The following LRRC52 variants were observed in gnomAD, a reference collection of about 807,000 sequenced individuals.
LRRC52 encodes the protein leucine rich repeat containing 52.
Under a neutral mutation model 14.7 loss-of-function variants are expected in LRRC52, and 15 were observed. That is an observed-to-expected ratio of 1.02 (90% CI 0.68 to 1.58). The LOEUF is 1.58. Ranked by LOEUF, LRRC52 falls within the 40% of genes most tolerant of loss-of-function variation. The probability of loss-of-function intolerance (pLI) is 0.00; values close to 1 mark genes in which losing one functional copy is unlikely to be tolerated. For synonymous variants in LRRC52, 180 were observed against 163.9 expected (o/e 1.10, Z -0.75); for missense variants, 400 against 387.7 (o/e 1.03, Z -0.27).
At chr1:165,544,964 C>T (rs1488324138) in intron 1 of LRRC52, 46 bp downstream of exon 1, 9 of 1,593,806 alleles carry the variant, frequency 5.6e-6, no homozygotes, top group Non-Finnish European at 2.6e-6. Context: ...ATTGAAGTGG[C>T]TCCAGAAAAG....
chr1:165,549,861 C>T (rs1661096285), intron 1 of LRRC52, among the ~76,000 whole-genome samples: 1 of 152,174 alleles, frequency 6.6e-6, no homozygotes, highest in South Asian at 2.1e-4. Context: ...AGATCTGGCA[C>T]CATAATCAAA....
intron 1 of LRRC52, among the ~76,000 whole-genome samples, chr1:165,553,292 G>A (rs1267393765): frequency 6.6e-6 from 1 of 152,204 alleles, no homozygotes; most frequent in African/African-American, 2.4e-5. Flanking sequence ...GGAAGCCAAA[G>A]AGTTCCAAAA....
chr1:165,544,043 G>A lies in LRRC52; in HGVS notation c.-254G>A. ...CAGGGAAAGGGTGAGACCTTTCAAA[G>A]CTGCCAAGTGGGCAAGCTTCCAGCA... On this transcript the variant is annotated 5_prime_UTR_variant, in exon 1 of 2. Coordinates refer to ENST00000294818, the MANE Select transcript of LRRC52 (RefSeq NM_001005214.4). 1 of 541,996 alleles carries A rather than the reference G, an allele frequency of 1.8e-6. No homozygotes were observed. The highest frequency in any genetic ancestry group is 2.5e-5 in the South Asian group (1 of 39,922). 33.6% of individuals were successfully genotyped at this position (541,996 alleles called of 1,614,324 possible).
chr1:165,544,476 G>A lies in LRRC52; in HGVS notation c.180G>A (p.Leu60=). 2 of 1,614,136 alleles carry A rather than the reference G, an allele frequency of 1.2e-6. No homozygotes were observed. ...CCCTGAACACCCGGAGGCTGTTCCTGAACGAGAACAGAATCACTAGTTTGC... is the reference window on the plus strand; with the variant it reads ...CCCTGAACACCCGGAGGCTGTTCCTAAACGAGAACAGAATCACTAGTTTGC... ...DIPLNTRRLF[L]NENRITSLPA... The change falls in exon 1 of 2, where the codon CTG becomes CTA. Residue 60 remains leucine, a synonymous_variant. Transcript: ENST00000294818.
At position 165,544,720 on chromosome 1, in the gene LRRC52, C is replaced by T. The variant is rs1240669152; in HGVS notation, c.424C>T (p.His142Tyr). ...CAACAACCCTCACCTGTTATCGCTT[C>T]ACAAGTTCACCTTTGCCAACACCAC... Reference protein sequence around the residue: ...IANNPHLLSLHKFTFANTTSL... With the variant: ...IANNPHLLSLYKFTFANTTSL... The change falls in exon 1 of 2, where the codon CAC (histidine) becomes TAC (tyrosine). Residue 142 changes from histidine (H) to tyrosine (Y), a missense_variant. Transcript: ENST00000294818. The T allele has an allele frequency of 6.2e-7, 1 of 1,614,104 alleles. No individual in the cohort carries two copies. The highest frequency in any genetic ancestry group is 8.5e-7 in the Non-Finnish European group (1 of 1,180,030).
intron 1 of LRRC52, among the ~76,000 whole-genome samples, chr1:165,547,306 TAA>T (rs1331404957): frequency 2.6e-5 from 4 of 152,236 alleles, no homozygotes; most frequent in East Asian, 1.9e-4. Flanking sequence ...GTTATAAATA[TAA>T]GTTATATTAT....
rs527983191 is a variant in LRRC52, at chr1:165,553,318, G to C, written c.622+8400G>C. On this transcript the variant is annotated intron_variant, in intron 1 of 1. Transcript: ENST00000294818. ...AGTTCCAAAAAGTGGGAGCAGGTCA[G>C]ATAAGGACAGAAAACTGTCCATCAG... Among the ~76,000 whole-genome samples the C allele has an allele frequency of 2.0e-5, 3 of 152,302 alleles. No individual in the cohort carries two copies. In the South Asian group the frequency reaches 6.2e-4, roughly 32 times the overall value.
intron 1 of LRRC52, among the ~76,000 whole-genome samples, chr1:165,547,176 C>G (rs1324012685): frequency 3.3e-5 from 5 of 152,086 alleles, no homozygotes; most frequent in African/African-American, 7.2e-5. Context: ...AATCACACAG[C>G]TGATAAATGG....
In LRRC52 at chr1:165,544,208, T is replaced by TCCCCCCCCCCCCCC; in HGVS notation, c.-84_-83insCCCCCCCCCCCCCC. ...GTGTTACAGTTCTTTCCAGAGCCCCTCCCCCGCCCCACCCCCCCACCGGCA... is the reference window on the plus strand; with the variant it reads ...GTGTTACAGTTCTTTCCAGAGCCCCTCCCCCCCCCCCCCCCCCCCGCCCCACCCCCCCACCGGCA... On this transcript the variant is annotated 5_prime_UTR_variant, in exon 1 of 2. Coordinates refer to ENST00000294818, the MANE Select transcript of LRRC52 (RefSeq NM_001005214.4). 4.5e-6 allele frequency: 2 copies of TCCCCCCCCCCCCCC among 448,098 alleles called. No homozygotes were observed. Among genetic ancestry groups the TCCCCCCCCCCCCCC allele is most frequent in the Non-Finnish European group, 4.2e-6 (1 of 235,720 alleles). The allele number at this position is 448,098 out of a possible 1,614,324, so 27.8% of individuals were successfully genotyped here.
Position 165,544,228 on chromosome 1 carries a change from C to T in LRRC52, c.-69C>T. Reference sequence around the variant, plus strand: ...GCCCCTCCCCCGCCCCACCCCCCCACCGGCAGCCTTCGGATCAGAGGACAG... The same window carrying T: ...GCCCCTCCCCCGCCCCACCCCCCCATCGGCAGCCTTCGGATCAGAGGACAG... On this transcript the variant is annotated 5_prime_UTR_variant, in exon 1 of 2. Transcript: ENST00000294818. 2 of 1,460,384 alleles carry T rather than the reference C, an allele frequency of 1.4e-6. 1 individual carries two copies. Among genetic ancestry groups the T allele is most frequent in the African/African-American group, 2.9e-5 (2 of 69,792 alleles). The allele number at this position is 1,460,384 out of a possible 1,614,324, so 90.5% of individuals were successfully genotyped here. A position where few individuals can be genotyped will look rare whatever the true frequency, so the allele number is the denominator to read the frequency against.
In LRRC52 at chr1:165,544,047, C is replaced by T; in HGVS notation, c.-250C>T. 1.8e-6 allele frequency: 1 copy of T among 548,118 alleles called. No individual in the cohort carries two copies. The highest frequency in any genetic ancestry group is 3.2e-6 in the Non-Finnish European group (1 of 308,464). 34.0% of individuals were successfully genotyped at this position (548,118 alleles called of 1,614,324 possible). The stretch of plus-strand genomic sequence containing the variant: ...GAAAGGGTGAGACCTTTCAAAGCTG[C>T]CAAGTGGGCAAGCTTCCAGCAGCAG... On this transcript the variant is annotated 5_prime_UTR_variant, in exon 1 of 2. Coordinates refer to ENST00000294818, the MANE Select transcript of LRRC52 (RefSeq NM_001005214.4).
chr1:165,547,747 A>C (rs1305564685), intron 1 of LRRC52, among the ~76,000 whole-genome samples: 1 of 152,220 alleles, frequency 6.6e-6, no homozygotes, highest in Non-Finnish European at 1.5e-5. Flanking sequence ...TTACGTACCC[A>C]TCCACATATT....
chr1:165,559,739 T>C (rs1661305490), intron 1 of LRRC52, among the ~76,000 whole-genome samples: 1 of 152,252 alleles, frequency 6.6e-6, no homozygotes, highest in African/African-American at 2.4e-5. Context: ...TTCTAAAGCT[T>C]ATTTCTAGTC....
intron 1 of LRRC52, among the ~76,000 whole-genome samples, chr1:165,557,359 A>C (rs1661256735): frequency 6.6e-6 from 1 of 152,104 alleles, no homozygotes; most frequent in Non-Finnish European, 1.5e-5. Context: ...CCCAGTGTAG[A>C]GTGTCCGAGG....
chr1:165,552,187 C>T (rs1661145375), intron 1 of LRRC52, among the ~76,000 whole-genome samples: 1 of 152,060 alleles, frequency 6.6e-6, no homozygotes, highest in Non-Finnish European at 1.5e-5. Flanking sequence ...TGACACACTC[C>T]CTGACTCAGG....
chr1:165,554,429 T>G (rs1019266045), intron 1 of LRRC52, among the ~76,000 whole-genome samples: 28 of 150,594 alleles, frequency 1.9e-4, no homozygotes, highest in African/African-American at 6.4e-4. Context: ...GATAGGTGGT[T>G]GTTGTTGTTG....
At chr1:165,550,463 T>C (rs7533908) in intron 1 of LRRC52, among the ~76,000 whole-genome samples, 25,335 of 152,186 alleles carry the variant, frequency 0.17, 2,784 homozygotes, top group African/African-American at 0.3. Flanking sequence ...TTATTTTATT[T>C]CAATACATTT....
chr1:165,560,581 C>G (rs367957542), intron 1 of LRRC52, among the ~76,000 whole-genome samples: 125 of 152,078 alleles, frequency 8.2e-4, no homozygotes, highest in Admixed American at 1.6e-3. Flanking sequence ...GATGAGTTCA[C>G]GAGTGGGAAC....
At chr1:165,552,221 G>A (rs771696105) in intron 1 of LRRC52, among the ~76,000 whole-genome samples, 6 of 152,124 alleles carry the variant, frequency 3.9e-5, no homozygotes, top group Non-Finnish European at 7.4e-5. Flanking sequence ...CTGAGAGTAG[G>A]TGATCGAAGG....
Sources: gnomAD v4.1 joint callset for allele counts (sites outside exome capture counted in the v4.1 genomes callset) on GRCh38, gnomAD v4.1.1 for gene constraint, MANE v1.5 for transcripts, NCBI Gene and HGNC (gene_info 2026-07-23, HGNC 2026-07-21) for gene names.